GGNBP2: variants seen among roughly 807,000 people sequenced by gnomAD.
The protein encoded by GGNBP2 is gametogenetin binding protein 2, also known as gametogenetin-binding protein 2.
In GGNBP2, 10 loss-of-function variants were observed where a neutral mutation model predicts 85.9. The observed-to-expected ratio is 0.12, with a 90% CI of 0.07 to 0.20. The LOEUF (loss-of-function observed/expected upper bound fraction) is 0.20. GGNBP2 is among the 10% of genes least tolerant of loss of function. GGNBP2 has a pLI of 1.00. For synonymous variants in GGNBP2, 287 were observed against 285.7 expected (o/e 1.00, Z -0.05); for missense variants, 595 against 857.8 (o/e 0.69, Z 3.83).
intron 1 of GGNBP2, among the ~76,000 whole-genome samples, chr17:36,545,300 A>G (rs1019480789): frequency 3.4e-5 from 5 of 148,890 alleles, no homozygotes; most frequent in Admixed American, 1.3e-4. Flanking sequence ...TGCGGGGCCC[A>G]GGCCAGGGGT....
intron 5 of GGNBP2, among the ~76,000 whole-genome samples, chr17:36,564,453 A>G (rs1446713353): frequency 1.3e-5 from 2 of 152,226 alleles, no homozygotes; most frequent in East Asian, 3.8e-4. Context: ...CTTTCAGCTT[A>G]AGAAACAAAA....
intron 4 of GGNBP2, among the ~76,000 whole-genome samples, chr17:36,559,342 T>C (rs1431957310): frequency 6.7e-6 from 1 of 149,840 alleles, no homozygotes; most frequent in Non-Finnish European, 1.5e-5. Flanking sequence ...ATGGTTACCA[T>C]TTACCGAGAG....
intron 3 of GGNBP2, among the ~76,000 whole-genome samples, chr17:36,556,848 A>C (rs1217483098): frequency 7.7e-6 from 1 of 129,178 alleles, no homozygotes; most frequent in African/African-American, 3.0e-5. Flanking sequence ...GCTTTTTGGC[A>C]TCCTAAGCAG....
At position 36,587,110 on chromosome 17, in the gene GGNBP2, T is replaced by C. The variant is rs2074709874; in HGVS notation, c.1755T>C (p.Cys585=). 1.2e-6 allele frequency: 2 copies of C among 1,613,996 alleles called. No homozygotes were observed. The change falls in exon 13 of 14, where the codon TGT becomes TGC. Residue 585 remains cysteine (C), a synonymous_variant. Transcript: ENST00000613102. The part of the protein sequence containing the change: ...DKTKDTHPES[C]CSSEKGGQPL... ...CCAAAGATACACATCCTGAAAGCTGTTGCAGCTCTGAAAAGGGTGGGCAGC... is the reference window on the plus strand; with the variant it reads ...CCAAAGATACACATCCTGAAAGCTGCTGCAGCTCTGAAAAGGGTGGGCAGC...
chr17:36,561,578 C>G (rs188775771), intron 5 of GGNBP2, among the ~76,000 whole-genome samples: 1 of 152,014 alleles, frequency 6.6e-6, no homozygotes, highest in African/African-American at 2.4e-5. Flanking sequence ...GTAGTTATGA[C>G]GATATTATGA....
chr17:36,575,625 TATATATATATATATATATATA>T (rs2074569589), intron 6 of GGNBP2, among the ~76,000 whole-genome samples: 1 of 64,380 alleles, frequency 1.6e-5, no homozygotes, highest in African/African-American at 9.9e-5. Flanking sequence ...TATATATATA[TATATATATATATATATATATA>T]TATTTTTTTT....
chr17:36,586,793 AT>A (rs1429717920), intron 12 of GGNBP2: 1 of 499,122 alleles, frequency 2.0e-6, no homozygotes, highest in East Asian at 3.5e-5. Flanking sequence ...TAATTTTTGC[AT>A]TTTTAGTAGA....
rs150759008 is a variant in GGNBP2 at position 36,574,564 on chromosome 17, A to C, written c.642-3419A>C. ...CCTGACAGGAAGACTTGATGAATAC[A>C]GTCTCCTTCCAGAGGTCGGGGGTCA... On this transcript the variant is annotated intron_variant, in intron 6 of 13. Transcript: ENST00000613102. 3.2e-3 allele frequency: 1,587 copies of C among 493,066 alleles called. 25 individuals are homozygous for C. The highest frequency in any genetic ancestry group is 0.03 in the African/African-American group (1,476 of 49,678). The allele number at this position is 493,066 out of a possible 1,614,324, so 30.5% of individuals were successfully genotyped here.
rs143128604 is a variant in GGNBP2, at chr17:36,546,344, C to G, written c.93+527C>G. ...ATGGTTTGATTTCGTTGTAAATAGT[C>G]TCGTATTGCCTAATGCATTAAAACT... On this transcript the variant is annotated intron_variant, in intron 2 of 13. Transcript: ENST00000613102. The G allele has an allele frequency of 3.3e-3, 591 of 179,160 alleles. 4 individuals carry two copies. Among genetic ancestry groups the G allele is most frequent in the Non-Finnish European group, 4.7e-3 (403 of 86,510 alleles). 11.1% of individuals were successfully genotyped at this position (179,160 alleles called of 1,614,324 possible). A position where few individuals can be genotyped will look rare whatever the true frequency, so the allele number is the denominator to read the frequency against.
Position 36,585,351 on chromosome 17 carries a change from G to A in GGNBP2, c.1267G>A (p.Asp423Asn). 2 of 1,612,810 alleles carry A rather than the reference G, an allele frequency of 1.2e-6. No homozygotes were observed. The highest frequency in any genetic ancestry group is 1.7e-6 in the Non-Finnish European group (2 of 1,179,162). ...SSCKACGSTE[D>N]GNTCVEVIVT... The stretch of plus-strand genomic sequence containing the variant: ...CTGCAAAGCCTGTGGCAGCACTGAA[G>A]ATGGTAATACTTGTGTAGAAGTAAT... Residue 423 changes from aspartate to asparagine, a missense_variant, in exon 10 of 14, where the codon GAT (aspartate) becomes AAT (asparagine). This residue lies in a region of GGNBP2 where 85 missense variants were observed against 92.6 expected (regional missense o/e 0.92). Transcript: ENST00000613102.
intron 2 of GGNBP2, among the ~76,000 whole-genome samples, chr17:36,551,478 A>G (rs925388132): frequency 5.3e-5 from 8 of 151,724 alleles, no homozygotes; most frequent in Non-Finnish European, 8.8e-5. Context: ...TGCTGGGATT[A>G]CGGGCGTGAG....
rs755597241 is a variant in GGNBP2 at position 36,558,414 on chromosome 17, CAAAAAAAAAA to C, written c.428+1093_428+1102del. On this transcript the variant is annotated intron_variant, in intron 4 of 13. Coordinates refer to ENST00000613102, the MANE Select transcript of GGNBP2 (RefSeq NM_024835.5). Reference sequence around the variant, plus strand: ...GGGCAACAAGAGTAAAGCTCCATCTCAAAAAAAAAAAAAAAAAAAAAAAAGGTAATAAAAG... The same window carrying C: ...GGGCAACAAGAGTAAAGCTCCATCTCAAAAAAAAAAAAAAGGTAATAAAAG... Among the ~76,000 whole-genome samples, 23 of 18,978 alleles carry C rather than the reference CAAAAAAAAAA, an allele frequency of 1.2e-3. No homozygotes were observed. In the East Asian group the frequency reaches 0.046, roughly 38 times the overall value. 12.5% of individuals were successfully genotyped at this position (18,978 alleles called of 152,430 possible).
intron 13 of GGNBP2, among the ~76,000 whole-genome samples, chr17:36,588,600 A>AT (rs138773605): frequency 0.017 from 2,215 of 128,850 alleles, 38 homozygotes; most frequent in Middle Eastern, 0.042. Context: ...TTTAATATTT[A>AT]TTTATTTTTT....
At chr17:36,559,811 A>G (rs1016116247) in intron 4 of GGNBP2, among the ~76,000 whole-genome samples, 5 of 151,990 alleles carry the variant, frequency 3.3e-5, no homozygotes, top group African/African-American at 7.2e-5. Context: ...TAGATTGGTT[A>G]ATTTTTATTT....
At position 36,560,867 on chromosome 17, in the gene GGNBP2, T is replaced by C; in HGVS notation, c.523T>C (p.Leu175=). 5.2e-6 allele frequency: 8 copies of C among 1,538,304 alleles called. No homozygotes were observed. Among genetic ancestry groups the C allele is most frequent in the Non-Finnish European group, 7.1e-6 (8 of 1,126,950 alleles). The part of the protein sequence containing the change: ...HSLDTHKPKP[L]GGCWMDVWEL... ...CTTAGATACGCACAAGCCAAAACCT[T>C]TGGGGTAAGTAGAATTGAATACCAA... The change falls in exon 5 of 14, where the codon TTG becomes CTG. Residue 175 remains leucine, a synonymous_variant. Transcript: ENST00000613102.
At chr17:36,568,329 C>G (rs1255174817) in intron 6 of GGNBP2, among the ~76,000 whole-genome samples, 1 of 151,524 alleles carries the variant, frequency 6.6e-6, no homozygotes, top group Admixed American at 6.6e-5. Flanking sequence ...CAGAGTTGCA[C>G]TCTGTCACCC....
At chr17:36,583,111 T>C (rs1006376298) in intron 9 of GGNBP2, among the ~76,000 whole-genome samples, 57 of 152,256 alleles carry the variant, frequency 3.7e-4, no homozygotes, top group African/African-American at 1.1e-3. Flanking sequence ...TGGAGTGCAG[T>C]GGCATGATCT....
chr17:36,563,377 A>G (rs1033411987), intron 5 of GGNBP2, among the ~76,000 whole-genome samples: 2 of 152,214 alleles, frequency 1.3e-5, no homozygotes, highest in African/African-American at 4.8e-5. Flanking sequence ...AAGATTTAGT[A>G]GTAATCAAGA....
rs562142201 is a variant in GGNBP2 at position 36,560,009 on chromosome 17, A to AT, written c.429-756dup. On this transcript the variant is annotated intron_variant, in intron 4 of 13. Transcript: ENST00000613102. ...ACCACCACACCTGTCTAATTTTTGT[A>AT]TTTTTTTTAGCAGAAATAGAGTTTC... 1.6e-3 allele frequency among the ~76,000 whole-genome samples: 250 copies of AT among 151,576 alleles called. 1 individual carries two copies. The highest frequency in any genetic ancestry group is 4.5e-3 in the African/African-American group (188 of 41,336).
Sources: gnomAD v4.1 joint callset for allele counts (sites outside exome capture counted in the v4.1 genomes callset) on GRCh38, gnomAD v4.1.1 for gene constraint, gnomAD v4.1.1 regional missense constraint, MANE v1.5 for transcripts, NCBI Gene and HGNC (gene_info 2026-07-23, HGNC 2026-07-21) for gene names.